The following WDR72 variants were observed in gnomAD, a reference collection of about 807,000 sequenced individuals.
WDR72 encodes the protein WD repeat domain 72, also known as WD repeat-containing protein 72.
Under a neutral mutation model 124.2 loss-of-function variants are expected in WDR72, and 120 were observed. The observed-to-expected ratio is 0.97, with a 90% confidence interval of 0.83 to 1.12. The LOEUF (loss-of-function observed/expected upper bound fraction) is 1.12, where lower values mean the gene tolerates loss of function less well. Among genes scored for constraint, WDR72 ranks in the 50% most tolerant of loss-of-function variants. WDR72 has a pLI of 0.00. For missense variants in WDR72, 1,387 were observed against 1,278.8 expected (o/e 1.08, Z -1.29); for synonymous variants, 452 against 441.7 (o/e 1.02, Z -0.29).
In WDR72 at chr15:53,731,559, T is replaced by C. The variant is rs867326050; in HGVS notation, c.153+1438A>G. On this transcript the variant is annotated intron_variant, in intron 2 of 19. Transcript: ENST00000360509. ...CAAAATGTCTGTAGATAGTAACAGATGTCTCTTCGGAGGAAAATTGCTCCC... is the reference window on the plus strand; with the variant it reads ...CAAAATGTCTGTAGATAGTAACAGACGTCTCTTCGGAGGAAAATTGCTCCC... Among the ~76,000 whole-genome samples the C allele has an allele frequency of 7.2e-5, 11 of 151,870 alleles. 1 individual carries two copies. In the South Asian group the frequency reaches 2.3e-3, roughly 32 times the overall value.
In WDR72 at chr15:53,705,179, G is replaced by A. The variant is rs1238260154; in HGVS notation, c.1157C>T (p.Thr386Ile). Residue 386 changes from threonine (T) to isoleucine (I), a missense_variant, in exon 11 of 20, where the codon ACT becomes ATT. Thr to Ile is a moderately conservative substitution (Grantham distance 89, BLOSUM62 -1). Coordinates refer to ENST00000360509, the MANE Select transcript of WDR72 (RefSeq NM_182758.4). The part of the protein sequence containing the change: ...TLQDNFDKHD[T>I]MSQSIIDYFS... ...ATAGTCAATAATACTTTGTGACATA[G>A]TATCATGCTTATCAAAATTATCTTG... 3 of 1,613,856 alleles carry A rather than the reference G, an allele frequency of 1.9e-6. No individual in the cohort carries two copies. Among genetic ancestry groups the A allele is most frequent in the Non-Finnish European group, 2.5e-6 (3 of 1,179,998 alleles).
intron 14 of WDR72, among the ~76,000 whole-genome samples, chr15:53,653,114 C>A (rs1202649434): frequency 1.3e-5 from 2 of 152,026 alleles, no homozygotes; most frequent in Non-Finnish European, 2.9e-5. Context: ...TTCTGTCAGT[C>A]ATTTATATTT....
intron 18 of WDR72, among the ~76,000 whole-genome samples, chr15:53,570,311 T>C (rs1894469258): frequency 6.6e-6 from 1 of 151,598 alleles, no homozygotes; most frequent in Non-Finnish European, 1.5e-5. Context: ...CTCTTCACAA[T>C]TTTCAAGAAT....
chr15:53,634,734 G>A (rs545817616), intron 14 of WDR72, among the ~76,000 whole-genome samples: 1 of 152,268 alleles, frequency 6.6e-6, no homozygotes, highest in South Asian at 2.1e-4. Context: ...GTGTTAGTGA[G>A]GCCAAGCAGG....
At chr15:53,529,056 T>C (rs74017410) in intron 18 of WDR72, among the ~76,000 whole-genome samples, 7,453 of 151,102 alleles carry the variant, frequency 0.049, 410 homozygotes, top group African/African-American at 0.13. Flanking sequence ...CAAAAACTTC[T>C]TATTAATGCC....
chr15:53,722,997 G>A (rs2140578874), intron 2 of WDR72, 89 bp from the exon 3 acceptor site: 3 of 1,260,520 alleles, frequency 2.4e-6, no homozygotes, highest in East Asian at 2.4e-5. Context: ...CTCTGATTAG[G>A]AAATTCTGTT....
chr15:53,756,048 C>G (rs1177640496), intron 1 of WDR72, among the ~76,000 whole-genome samples: 2 of 152,164 alleles, frequency 1.3e-5, no homozygotes, highest in East Asian at 1.9e-4. Context: ...CTAATCTATA[C>G]TAAAGCAATC....
intron 11 of WDR72, among the ~76,000 whole-genome samples, chr15:53,703,187 T>C (rs950066080): frequency 6.6e-6 from 1 of 152,198 alleles, no homozygotes. Flanking sequence ...GTGCTGGGAT[T>C]ACAGGCGGTA....
At chr15:53,711,063 C>T (rs945473079) in intron 8 of WDR72, 110 bp from the exon 9 acceptor site, 10 of 1,007,298 alleles carry the variant, frequency 9.9e-6, no homozygotes, top group Non-Finnish European at 1.5e-5. Context: ...TTTCTAAACT[C>T]TAGTTAGAAA....
intron 12 of WDR72, among the ~76,000 whole-genome samples, chr15:53,700,447 G>C (rs909773302): frequency 1.3e-5 from 2 of 152,132 alleles, no homozygotes; most frequent in African/African-American, 4.8e-5. Context: ...CAGTCTAAAA[G>C]AGGTAAGCAT....
chr15:53,735,521 T>C (rs1461121832), intron 1 of WDR72, among the ~76,000 whole-genome samples: 1 of 152,150 alleles, frequency 6.6e-6, no homozygotes, highest in Non-Finnish European at 1.5e-5. Flanking sequence ...TATACATATG[T>C]CAAAACTTAA....
chr15:53,606,207 A>G (rs2013274731), intron 17 of WDR72, among the ~76,000 whole-genome samples: 2 of 152,212 alleles, frequency 1.3e-5, no homozygotes, highest in Admixed American at 6.5e-5. Flanking sequence ...AAAGATCTTC[A>G]AGTGAGAGCA....
At chr15:53,610,436 C>T (rs983545517) in intron 16 of WDR72, among the ~76,000 whole-genome samples, 5 of 151,726 alleles carry the variant, frequency 3.3e-5, no homozygotes, top group African/African-American at 4.8e-5. Flanking sequence ...CTTCTGCAAG[C>T]GGAAAAGTTG....
chr15:53,672,010 A>C (rs866854300), intron 13 of WDR72, among the ~76,000 whole-genome samples: 3 of 152,008 alleles, frequency 2.0e-5, no homozygotes, highest in Middle Eastern at 6.8e-3. Context: ...AGAGAGAGAG[A>C]GCACTTACAA....
intron 14 of WDR72, among the ~76,000 whole-genome samples, chr15:53,623,050 G>C (rs1425448322): frequency 6.6e-6 from 1 of 152,114 alleles, no homozygotes; most frequent in African/African-American, 2.4e-5. Context: ...AAATATTGTA[G>C]AGAGAAATAG....
intron 6 of WDR72, 94 bp from the exon 7 acceptor site, chr15:53,712,985 C>T: frequency 7.0e-7 from 1 of 1,430,130 alleles, no homozygotes; most frequent in Non-Finnish European, 9.7e-7. Context: ...AAGTAGATCA[C>T]ACCATTATAA....
chr15:53,551,985 A>T (rs12442851), intron 18 of WDR72, among the ~76,000 whole-genome samples: 8,084 of 152,028 alleles, frequency 0.053, 631 homozygotes, highest in African/African-American at 0.17. Flanking sequence ...TGGGAAAGGG[A>T]GGAATTGAAG....
At chr15:53,749,243 G>A (rs189279035) in intron 1 of WDR72, among the ~76,000 whole-genome samples, 3 of 152,224 alleles carry the variant, frequency 2.0e-5, no homozygotes, top group Admixed American at 6.5e-5. Flanking sequence ...TTTTCCAACA[G>A]TATGTGCTCA....
chr15:53,593,607 C>T (rs1595780917), intron 18 of WDR72, among the ~76,000 whole-genome samples: 1 of 151,744 alleles, frequency 6.6e-6, no homozygotes, highest in South Asian at 2.1e-4. Context: ...ACAAAAAATA[C>T]AAAAATTAGC....
Sources: allele counts gnomAD v4.1 joint callset (sites outside exome capture counted in the v4.1 genomes callset), GRCh38; gene constraint gnomAD v4.1.1; transcripts MANE v1.5; gene names NCBI Gene and HGNC (gene_info 2026-07-23, HGNC 2026-07-21).